Variants in GABRB3 observed in about 807,000 individuals in gnomAD.
GABRB3 encodes gamma-aminobutyric acid receptor subunit beta-3.
In GABRB3, 14 loss-of-function variants were observed where a neutral mutation model predicts 52.1. That is an observed-to-expected ratio of 0.27 (90% CI 0.18 to 0.42). GABRB3 has a LOEUF of 0.42. GABRB3 is among the 10% of genes least tolerant of loss of function. The pLI is 1.00. For synonymous variants in GABRB3, 260 were observed against 232.3 expected, an observed-to-expected ratio of 1.12 and a Z score of -1.08; for missense variants, 307 against 609.1, an observed-to-expected ratio of 0.50 and a Z score of 5.22.
chr15:26,556,936 T>A (rs2114486), intron 8 of GABRB3, among the ~76,000 whole-genome samples: 143,999 of 152,212 alleles, frequency 0.95, 68,174 homozygotes, highest in East Asian at 1. Context: ...GCGAAGCTGC[T>A]GGGTGTTGTT....
chr15:26,605,241 T>C (rs2140506941), intron 4 of GABRB3, among the ~76,000 whole-genome samples: 1 of 152,284 alleles, frequency 6.6e-6, no homozygotes, highest in East Asian at 1.9e-4. Context: ...AAAATAACTT[T>C]TATCCAAAAG....
intron 3 of GABRB3, among the ~76,000 whole-genome samples, chr15:26,723,948 T>C (rs1889707329): frequency 1.3e-5 from 2 of 152,216 alleles, no homozygotes; most frequent in African/African-American, 4.8e-5. Flanking sequence ...GGTAATTGGC[T>C]AGCCCCAAGG....
At chr15:26,698,890 C>A (rs1566810242) in intron 3 of GABRB3, among the ~76,000 whole-genome samples, 1 of 152,094 alleles carries the variant, frequency 6.6e-6, no homozygotes, top group Non-Finnish European at 1.5e-5. Flanking sequence ...AAAACAATGA[C>A]AAAAACATAA....
chr15:26,731,378 T>C (rs1229299703), intron 3 of GABRB3, among the ~76,000 whole-genome samples: 1 of 152,202 alleles, frequency 6.6e-6, no homozygotes, highest in Non-Finnish European at 1.5e-5. Context: ...CAGAATCATA[T>C]CCTTGTTGAA....
chr15:26,582,720 C>T (rs570744634), intron 5 of GABRB3, among the ~76,000 whole-genome samples: 1 of 152,240 alleles, frequency 6.6e-6, no homozygotes, highest in South Asian at 2.1e-4. Flanking sequence ...ATTGACAAGC[C>T]TAAATCCAAT....
chr15:26,643,916 G>A (rs1893281413), intron 3 of GABRB3, among the ~76,000 whole-genome samples: 1 of 152,192 alleles, frequency 6.6e-6, no homozygotes, highest in Admixed American at 6.5e-5. Flanking sequence ...TGCAGACACC[G>A]TCTGCCTTAG....
At chr15:26,574,972 T>C (rs1890543246) in intron 6 of GABRB3, among the ~76,000 whole-genome samples, 2 of 152,212 alleles carry the variant, frequency 1.3e-5, no homozygotes, top group Non-Finnish European at 2.9e-5. Context: ...ACATCAACTA[T>C]AAGACATGCT....
At chr15:26,712,836 G>A (rs1054840996) in intron 3 of GABRB3, among the ~76,000 whole-genome samples, 1 of 152,184 alleles carries the variant, frequency 6.6e-6, no homozygotes, top group Non-Finnish European at 1.5e-5. Context: ...AGATATCGTG[G>A]CCGGAGCAGA....
At chr15:26,773,076 C>G, upstream of GABRB3, 1 of 996,398 alleles carries the variant, frequency 1.0e-6, no homozygotes, top group Non-Finnish European at 1.2e-6. Flanking sequence ...TGGCCCGGAG[C>G]GGAGGAGGGC....
chr15:26,582,734 G>A (rs1452807866), intron 5 of GABRB3, among the ~76,000 whole-genome samples: 1 of 152,172 alleles, frequency 6.6e-6, no homozygotes, highest in African/African-American at 2.4e-5. Context: ...ATCCAATTGA[G>A]ACTAGTTATA....
In GABRB3 at chr15:26,750,015, C is replaced by T. The variant is rs76110199; in HGVS notation, c.240+22387G>A. On this transcript the variant is annotated intron_variant, in intron 3 of 8. Transcript: ENST00000311550. ...GGACCTGGGAGGAATGGCACTATTC[C>T]ATCTTGGCCAGAATTGGAAATCTGT... 26 of 152,260 alleles carry T rather than the reference C, an allele frequency of 1.7e-4. 1 individual carries two copies. The East Asian group carries it at 5.0e-3, about 29-fold the overall frequency. The allele number at this position is 152,260 out of a possible 1,614,324, so 9.4% of individuals were successfully genotyped here.
intron 5 of GABRB3, among the ~76,000 whole-genome samples, chr15:26,582,921 T>C (rs1034903069): frequency 9.2e-5 from 14 of 152,170 alleles, no homozygotes; most frequent in South Asian, 6.2e-4. Flanking sequence ...CTACTCAAAT[T>C]GAAGAAAATT....
chr15:26,564,060 T>C lies in GABRB3; in HGVS notation c.836-2884A>G, dbSNP rs371769418. 3.0e-4 allele frequency among the ~76,000 whole-genome samples: 45 copies of C among 152,280 alleles called. No individual in the cohort carries two copies. In the East Asian group the frequency reaches 7.9e-3, roughly 27 times the overall value. Reference sequence around the variant, plus strand: ...TTTTGCAGATTGAGCATCTCTAACCTAAAAATCCAAAATCTGAAATGTTCC... The same window carrying C: ...TTTTGCAGATTGAGCATCTCTAACCCAAAAATCCAAAATCTGAAATGTTCC... On this transcript the variant is annotated intron_variant, in intron 7 of 8. Transcript: ENST00000311550.
chr15:26,606,070 G>A (rs1371899349), intron 4 of GABRB3, among the ~76,000 whole-genome samples: 1 of 105,204 alleles, frequency 9.5e-6, no homozygotes, highest in East Asian at 2.1e-4. Context: ...AGAACAGCAA[G>A]GGGGAAATCA....
intron 3 of GABRB3, among the ~76,000 whole-genome samples, chr15:26,707,314 G>A (rs1889135004): frequency 6.6e-6 from 1 of 152,184 alleles, no homozygotes; most frequent in South Asian, 2.1e-4. Context: ...CAGCACAGGG[G>A]ATGGAGAGCA....
intron 3 of GABRB3, among the ~76,000 whole-genome samples, chr15:26,671,895 T>C (rs143884159): frequency 1.0e-3 from 159 of 152,282 alleles, no homozygotes; most frequent in African/African-American, 3.5e-3. Flanking sequence ...CTCAAAGAGT[T>C]TGAGCTCATT....
At chr15:26,629,380 C>T (rs1443251295) in intron 3 of GABRB3, among the ~76,000 whole-genome samples, 3 of 152,220 alleles carry the variant, frequency 2.0e-5, no homozygotes, top group African/African-American at 7.2e-5. Flanking sequence ...TGGAGAACCT[C>T]GCCCTGGGAG....
chr15:26,764,235 T>C (rs1373843351), intron 3 of GABRB3, among the ~76,000 whole-genome samples: 2 of 122,770 alleles, frequency 1.6e-5, no homozygotes, highest in Admixed American at 1.7e-4. Context: ...TATATATATA[T>C]AGTGTCATGA....
intron 3 of GABRB3, among the ~76,000 whole-genome samples, chr15:26,755,464 A>G (rs552568182): frequency 6.6e-6 from 1 of 152,336 alleles, no homozygotes; most frequent in East Asian, 1.9e-4. Context: ...TCAGAATATC[A>G]AATATATAAT....
Sources: gnomAD v4.1 joint callset for allele counts (sites outside exome capture counted in the v4.1 genomes callset) on GRCh38, gnomAD v4.1.1 for gene constraint, MANE v1.5 for transcripts, NCBI Gene and HGNC (gene_info 2026-07-23, HGNC 2026-07-21) for gene names.